The following SIM2 variants were observed in gnomAD, a reference collection of about 807,000 sequenced individuals.
SIM2 encodes the protein SIM bHLH transcription factor 2.
In SIM2, 28 loss-of-function variants were observed where a neutral mutation model predicts 64.8. That is an observed-to-expected ratio of 0.43 (90% CI 0.32 to 0.59). The LOEUF (loss-of-function observed/expected upper bound fraction) is 0.59, where lower values mean the gene tolerates loss of function less well. Ranked by LOEUF, SIM2 falls within the 20% of genes least tolerant of loss-of-function variation. SIM2 has a pLI of 0.07. For synonymous variants in SIM2, 408 were observed against 391.1 expected (o/e 1.04, Z -0.51); for missense variants, 847 against 871.4 (o/e 0.97, Z 0.35).
intron 9 of SIM2, among the ~76,000 whole-genome samples, chr21:36,744,350 G>A (rs1468242932): frequency 2.0e-5 from 3 of 147,726 alleles, no homozygotes; most frequent in Admixed American, 6.8e-5. Context: ...AAGAAAGGAA[G>A]GGAGGGAGGG....
rs766957244 is a variant in SIM2, at chr21:36,726,163, G to A, written c.588G>A (p.Leu196=). 1 of 1,613,992 alleles carries A rather than the reference G, an allele frequency of 6.2e-7. No homozygotes were observed. Among genetic ancestry groups the A allele is most frequent in the South Asian group, 1.1e-5 (1 of 91,082 alleles). Residue 196 remains leucine, a synonymous_variant, in exon 6 of 11, where the codon CTG becomes CTA. Coordinates refer to ENST00000290399, the MANE Select transcript of SIM2 (RefSeq NM_005069.6). This position sits in a 1 kb window ranked among gnomAD's most constrained non-coding sequence, Gnocchi z 4.5. The stretch of plus-strand genomic sequence containing the variant: ...ACTTGAAGATCAGGCAGTATATGCT[G>A]GACATGTCCCTGTACGACTCCTGCT... ...SGYLKIRQYM[L]DMSLYDSCYQ...
chr21:36,729,488 C>T (rs553106748), intron 6 of SIM2, among the ~76,000 whole-genome samples: 24 of 152,258 alleles, frequency 1.6e-4, no homozygotes, highest in Non-Finnish European at 2.1e-4. Context: ...TGAGGCTCTC[C>T]GAGATTTACG....
At position 36,699,421 on chromosome 21, in the gene SIM2, C is replaced by G. The variant is rs2088450653; in HGVS notation, c.-326C>G. 1 of 182,540 alleles carries G rather than the reference C, an allele frequency of 5.5e-6. No individual in the cohort carries two copies. The highest frequency in any genetic ancestry group is 1.8e-4 in the South Asian group (1 of 5,474). 11.3% of individuals were successfully genotyped at this position (182,540 alleles called of 1,614,324 possible). A position where few individuals can be genotyped will look rare whatever the true frequency, so the allele number is the denominator to read the frequency against. On this transcript the variant is annotated 5_prime_UTR_variant, in exon 1 of 11. Coordinates refer to ENST00000290399, the MANE Select transcript of SIM2 (RefSeq NM_005069.6). This position sits in a 1 kb window ranked among gnomAD's most constrained non-coding sequence, Gnocchi z 5.6. ...CCTCCGCGCCGGCCGCCCCCACCCC[C>G]CAGGAAGGCCGAGGCAGGAGAGGCA... is the stretch of plus-strand genomic sequence containing the variant.
Position 36,747,781 on chromosome 21 carries a change from G to A in SIM2, c.1693G>A (p.Ala565Thr), listed in dbSNP as rs189938535. 1.8e-6 allele frequency: 2 copies of A among 1,096,264 alleles called. No homozygotes were observed. The highest frequency in any genetic ancestry group is 2.2e-6 in the Non-Finnish European group (2 of 903,768). The allele number at this position is 1,096,264 out of a possible 1,614,324, so 67.9% of individuals were successfully genotyped here. Residue 565 changes from alanine to threonine, a missense_variant, in exon 11 of 11, where the codon GCC (alanine) becomes ACC (threonine). This residue lies in a region of SIM2 where 447 missense variants were observed against 414.6 expected (regional missense o/e 1.08). Coordinates refer to ENST00000290399, the MANE Select transcript of SIM2 (RefSeq NM_005069.6). The surrounding 1 kb of genome is among the most constrained non-coding windows in gnomAD (Gnocchi z 4.5). ...LGPAKAARQAARDGARLALAR... is the reference protein window; with the variant it reads ...LGPAKAARQATRDGARLALAR... The stretch of plus-strand genomic sequence containing the variant: ...CCCGGCCAAAGCCGCCCGCCAGGCC[G>A]CCCGGGACGGGGCGCGGCTGGCGCT...
chr21:36,702,705 G>A (rs2088519358), intron 1 of SIM2, among the ~76,000 whole-genome samples: 1 of 152,124 alleles, frequency 6.6e-6, no homozygotes, highest in Non-Finnish European at 1.5e-5. Context: ...GGGAGGATAT[G>A]GCTGCGGGGT....
intron 4 of SIM2, among the ~76,000 whole-genome samples, chr21:36,721,145 T>C (rs1255047760): frequency 6.6e-6 from 1 of 151,484 alleles, no homozygotes; most frequent in African/African-American, 2.4e-5. Flanking sequence ...GTCACTGGAG[T>C]CTAATTATTC....
At chr21:36,737,206 G>C (rs2089075130) in intron 7 of SIM2, among the ~76,000 whole-genome samples, 1 of 152,200 alleles carries the variant, frequency 6.6e-6, no homozygotes. Flanking sequence ...TGGGATTACA[G>C]GCATGAGCCA....
intron 1 of SIM2, among the ~76,000 whole-genome samples, chr21:36,708,927 A>C (rs960778863): frequency 6.6e-6 from 1 of 152,164 alleles, no homozygotes. Context: ...GCAGGCTCGC[A>C]CAGGCGCCCG....
intron 4 of SIM2, 116 bp from the exon 5 acceptor site, chr21:36,722,929 A>G: frequency 1.3e-6 from 1 of 795,010 alleles, no homozygotes; most frequent in Admixed American, 1.8e-5. Flanking sequence ...GTCTGGGCAC[A>G]CTGAGAAGGC....
In SIM2 at chr21:36,726,212, G is replaced by A. The variant is rs942172911; in HGVS notation, c.637G>A (p.Val213Met). The A allele has an allele frequency of 1.4e-5, 22 of 1,613,778 alleles. No homozygotes were observed. The highest frequency in any genetic ancestry group is 4.0e-5 in the African/African-American group (3 of 74,936). The change falls in exon 6 of 11, where the codon GTG (valine) becomes ATG (methionine). Residue 213 changes from valine (V) to methionine (M), a missense_variant. Coordinates refer to ENST00000290399, the MANE Select transcript of SIM2 (RefSeq NM_005069.6). This position sits in a 1 kb window ranked among gnomAD's most constrained non-coding sequence, Gnocchi z 4.5. ...SCYQIVGLVAVGQSLPPSAIT... is the reference protein window; with the variant it reads ...SCYQIVGLVAMGQSLPPSAIT... The stretch of plus-strand genomic sequence containing the variant: ...CTACCAGATTGTGGGGCTGGTGGCC[G>A]TGGGCCAGTCGCTGCCACCCAGTGC...
Position 36,747,773 on chromosome 21 carries a change from G to T in SIM2, c.1685G>T (p.Arg562Leu). 9.8e-6 allele frequency: 11 copies of T among 1,127,442 alleles called. No individual in the cohort carries two copies. Among genetic ancestry groups the T allele is most frequent in the Non-Finnish European group, 1.2e-5 (11 of 923,604 alleles). 69.8% of individuals were successfully genotyped at this position (1,127,442 alleles called of 1,614,324 possible). Residue 562 changes from arginine (R) to leucine (L), a missense_variant, in exon 11 of 11, where the codon CGC (arginine) becomes CTC (leucine). This residue lies in a region of SIM2 where 447 missense variants were observed against 414.6 expected (regional missense o/e 1.08). Coordinates refer to ENST00000290399, the MANE Select transcript of SIM2 (RefSeq NM_005069.6). This position sits in a 1 kb window ranked among gnomAD's most constrained non-coding sequence, Gnocchi z 4.5. Reference sequence around the variant, plus strand: ...GCGCTGGGCCCGGCCAAAGCCGCCCGCCAGGCCGCCCGGGACGGGGCGCGG... The same window carrying T: ...GCGCTGGGCCCGGCCAAAGCCGCCCTCCAGGCCGCCCGGGACGGGGCGCGG... ...EPALGPAKAARQAARDGARLA... is the reference protein window; with the variant it reads ...EPALGPAKAALQAARDGARLA...
At chr21:36,736,280 G>C (rs1159963220) in intron 7 of SIM2, among the ~76,000 whole-genome samples, 1 of 151,988 alleles carries the variant, frequency 6.6e-6, no homozygotes, top group Non-Finnish European at 1.5e-5. Flanking sequence ...CCCGAGTGAG[G>C]TCACTGTCCC....
intron 7 of SIM2, among the ~76,000 whole-genome samples, chr21:36,736,845 CTTTTCTTTCTTTCTTTTT>C (rs2089062443): frequency 6.9e-6 from 1 of 143,894 alleles, no homozygotes; most frequent in East Asian, 2.0e-4. Flanking sequence ...CTTTCTCTTT[CTTTTCTTTCTTTCTTTTT>C]CTTTCTTTCT....
chr21:36,705,237 T>A (rs2088563444), intron 1 of SIM2, among the ~76,000 whole-genome samples: 1 of 152,242 alleles, frequency 6.6e-6, no homozygotes, highest in Non-Finnish European at 1.5e-5. Flanking sequence ...GATCCCAATA[T>A]GTGCTTGCGT....
rs773334944 is a variant in SIM2 at position 36,731,063 on chromosome 21, G to T, written c.762G>T (p.Gly254=). The T allele has an allele frequency of 1.2e-6, 2 of 1,614,006 alleles. 1 individual carries two copies. Among genetic ancestry groups the T allele is most frequent in the South Asian group, 2.2e-5 (2 of 91,070 alleles). Residue 254 remains glycine (G), a synonymous_variant, in exon 7 of 11, where the codon GGG becomes GGT. Coordinates refer to ENST00000290399, the MANE Select transcript of SIM2 (RefSeq NM_005069.6). ...FLDSRVTEVT[G]YEPQDLIEKT... ...CCCACAGGGTGACCGAGGTGACGGG[G>T]TACGAGCCGCAGGACCTGATCGAGA...
intron 5 of SIM2, among the ~76,000 whole-genome samples, chr21:36,725,894 G>A (rs1363387913): frequency 6.6e-6 from 1 of 152,212 alleles, no homozygotes; most frequent in Non-Finnish European, 1.5e-5. Flanking sequence ...GTGCTGAGAT[G>A]GCAAGACTGA....
chr21:36,713,118 T>C (rs192040715), intron 3 of SIM2, among the ~76,000 whole-genome samples: 1 of 152,356 alleles, frequency 6.6e-6, no homozygotes, highest in East Asian at 1.9e-4. Context: ...GGGTCATTTT[T>C]CCTGACTTTT....
rs117655224 is a variant in SIM2, at chr21:36,744,720, C to T, written c.1168-8C>T. The stretch of plus-strand genomic sequence containing the variant: ...GCTGGCCCTTCATCCATCTTCTTTG[C>T]CATGCAGCAATACAGCTCGTTCCAA... On this transcript the variant is annotated splice_region_variant and splice_polypyrimidine_tract_variant and intron_variant, in intron 9 of 10. Transcript: ENST00000290399. 8.9e-3 allele frequency: 14,036 copies of T among 1,583,510 alleles called. 107 individuals are homozygous for T. Among genetic ancestry groups the T allele is most frequent in the Non-Finnish European group, 0.011 (13,124 of 1,164,076 alleles).
intron 7 of SIM2, among the ~76,000 whole-genome samples, chr21:36,735,078 G>A (rs1243519144): frequency 6.6e-6 from 1 of 152,188 alleles, no homozygotes; most frequent in Non-Finnish European, 1.5e-5. Flanking sequence ...GGCGCTCAAC[G>A]CCGGGGATAC....
Sources: allele counts gnomAD v4.1 joint callset (sites outside exome capture counted in the v4.1 genomes callset), GRCh38; gene constraint gnomAD v4.1.1; regional missense constraint gnomAD v4.1.1; non-coding constraint Gnocchi (gnomAD v3.1); transcripts MANE v1.5; gene names NCBI Gene and HGNC (gene_info 2026-07-23, HGNC 2026-07-21).